Variants in PTCH2 observed in about 807,000 individuals in gnomAD.
PTCH2 encodes the protein protein patched homolog 2.
A neutral mutation model predicts 117.9 loss-of-function variants in PTCH2; 96 were observed. The observed-to-expected ratio is 0.81, with a 90% CI of 0.69 to 0.96. The LOEUF (loss-of-function observed/expected upper bound fraction) is 0.96. Among genes scored for constraint, PTCH2 ranks in the 50% least tolerant of loss-of-function variants. PTCH2 has a pLI of 0.00. For missense variants in PTCH2, 1,379 were observed against 1,562.5 expected, an observed-to-expected ratio of 0.88 and a Z score of 1.98; for synonymous variants, 615 against 660.9, an observed-to-expected ratio of 0.93 and a Z score of 1.06.
chr1:44,841,862 G>C lies in PTCH2; in HGVS notation c.250C>G (p.Gln84Glu), dbSNP rs755258246. Reference protein sequence around the residue: ...RMAIIETNLEQLWVEVGSRVS... With the variant: ...RMAIIETNLEELWVEVGSRVS... ...CACAACTTACCTTCTACCCAGAGCT[G>C]TTCCAAGTTTGTCTCAATAATGGCC... The change falls in exon 2 of 22, where the codon CAG (glutamine) becomes GAG (glutamate). Residue 84 changes from glutamine to glutamate, a missense_variant. By Grantham distance (29) the Gln-to-Glu change is conservative (BLOSUM62 2). Transcript: ENST00000372192. 3 of 1,614,084 alleles carry C rather than the reference G, an allele frequency of 1.9e-6. No individual in the cohort carries two copies. The highest frequency in any genetic ancestry group is 2.5e-6 in the Non-Finnish European group (3 of 1,180,044).
chr1:44,833,972 C>T (rs12095412), intron 2 of PTCH2, among the ~76,000 whole-genome samples: 31,860 of 151,730 alleles, frequency 0.21, 3,724 homozygotes, highest in African/African-American at 0.32. Context: ...GTAATCTTCT[C>T]ACTCACAAAA....
In PTCH2 at chr1:44,828,048, G is replaced by A. The variant is rs370289347; in HGVS notation, c.1853C>T (p.Pro618Leu). The A allele has an allele frequency of 1.1e-5, 17 of 1,614,158 alleles. No homozygotes were observed. In the African/African-American group the frequency reaches 2.3e-4, roughly 22 times the overall value. Residue 618 changes from proline to leucine, a missense_variant, in exon 14 of 22, where the codon CCT becomes CTT. By Grantham distance (98) the Pro-to-Leu change is moderately conservative (BLOSUM62 -3). Transcript: ENST00000372192. ...TGGGGGCACCAGGTGGGCTTGGGGA[G>A]GCAGGATGGTGACCACATGCTGGCT... is the stretch of plus-strand genomic sequence containing the variant. ...ASSQHVVTIL[P>L]PQAHLVPPPS...
At position 44,829,239 on chromosome 1, in the gene PTCH2, A is replaced by G. The variant is rs1398017675; in HGVS notation, c.1289T>C (p.Val430Ala). ...QSQGSVGLAGVLLVALAVASG... is the reference protein window; with the variant it reads ...QSQGSVGLAGALLVALAVASG... ...GGCCACCGCCAGGGCCACCAGCAGT[A>G]CCCCGGCAAGGCCCACGGAACCCTG... Residue 430 changes from valine to alanine, a missense_variant, in exon 10 of 22, where the codon GTA becomes GCA. Physicochemically the swap from Val to Ala is moderately conservative, Grantham distance 64 (BLOSUM62 0). Coordinates refer to ENST00000372192, the MANE Select transcript of PTCH2 (RefSeq NM_003738.5). 1 of 1,613,366 alleles carries G rather than the reference A, an allele frequency of 6.2e-7. No homozygotes were observed. Among genetic ancestry groups the G allele is most frequent in the Non-Finnish European group, 8.5e-7 (1 of 1,180,022 alleles).
rs1446850689 is a variant in PTCH2 at position 44,842,956 on chromosome 1, G to A, written c.-24C>T. On this transcript the variant is annotated 5_prime_UTR_variant, in exon 1 of 22. Coordinates refer to ENST00000372192, the MANE Select transcript of PTCH2 (RefSeq NM_003738.5). Reference sequence around the variant, plus strand: ...ATGCTGGCGGGGATGGGGGGCGCGGGCGCCCCCAACCCGCGTTATCTGGGC... The same window carrying A: ...ATGCTGGCGGGGATGGGGGGCGCGGACGCCCCCAACCCGCGTTATCTGGGC... 1 of 1,528,012 alleles carries A rather than the reference G, an allele frequency of 6.5e-7. No homozygotes were observed. The highest frequency in any genetic ancestry group is 2.1e-5 in the Admixed American group (1 of 46,924). 94.7% of individuals were successfully genotyped at this position (1,528,012 alleles called of 1,614,324 possible).
chr1:44,834,150 G>A (rs1170013378), intron 2 of PTCH2, among the ~76,000 whole-genome samples: 17 of 138,642 alleles, frequency 1.2e-4, no homozygotes, highest in African/African-American at 3.0e-4. Context: ...ACTGAGTTTC[G>A]CTCTTATTGC....
rs543601562 is a variant in PTCH2 at position 44,823,249 on chromosome 1, A to G, written c.3251T>C (p.Ile1084Thr). The G allele has an allele frequency of 1.2e-6, 2 of 1,614,208 alleles. No homozygotes were observed. Among genetic ancestry groups the G allele is most frequent in the African/African-American group, 2.7e-5 (2 of 75,054 alleles). ...LMLAGSHFDF[I>T]VRYFFAALTV... The stretch of plus-strand genomic sequence containing the variant: ...TGCCCCGAGCCCTCCCTACCTTACA[A>G]TGAAGTCAAAGTGGGAACCAGCAAG... Residue 1084 changes from isoleucine (I) to threonine (T), a missense_variant, in exon 20 of 22, where the codon ATT becomes ACT. Physicochemically the swap from Ile to Thr is moderately conservative, Grantham distance 89 (BLOSUM62 -1). Transcript: ENST00000372192. This position sits in a 1 kb window ranked among gnomAD's most constrained non-coding sequence, Gnocchi z 5.1.
At position 44,827,489 on chromosome 1, in the gene PTCH2, G is replaced by A. The variant is rs760143231; in HGVS notation, c.2284C>T (p.Arg762Cys). Residue 762 changes from arginine to cysteine, a missense_variant, in exon 15 of 22, where the codon CGC becomes TGC. Transcript: ENST00000372192. ...SQRALFDLHQRFSSLKAVLPP... is the reference protein window; with the variant it reads ...SQRALFDLHQCFSSLKAVLPP... ...AGCACCGCCTTGAGGGAACTGAAGC[G>A]CTGGTGCAGATCAAAGAGGGCGCGT... The A allele has an allele frequency of 5.0e-6, 8 of 1,613,880 alleles. No individual in the cohort carries two copies. Among genetic ancestry groups the A allele is most frequent in the African/African-American group, 2.7e-5 (2 of 74,926 alleles).
Position 44,822,621 on chromosome 1 carries a change from G to A in PTCH2, c.3406C>T (p.Pro1136Ser), listed in dbSNP as rs759109850. The A allele has an allele frequency of 3.1e-6, 5 of 1,613,908 alleles. No individual in the cohort carries two copies. Among genetic ancestry groups the A allele is most frequent in the Non-Finnish European group, 4.2e-6 (5 of 1,179,962 alleles). The change falls in exon 22 of 22, where the codon CCA (proline) becomes TCA (serine). Residue 1136 changes from proline (P) to serine (S), a missense_variant. Coordinates refer to ENST00000372192, the MANE Select transcript of PTCH2 (RefSeq NM_003738.5). ...CCCCACCTAAGCCCGCCTCCCTGTG[G>A]AGCTGGTGGACTCAGGATCTCTGGG... ...ESPEILSPPA[P>S]QGGGLRWGAS...
downstream of PTCH2, chr1:44,819,867 T>A (rs368781041): frequency 1.3e-5 from 2 of 153,040 alleles, no homozygotes; most frequent in African/African-American, 4.8e-5. Context: ...GCCTAACTTT[T>A]AATACTTAAA....
intron 2 of PTCH2, among the ~76,000 whole-genome samples, chr1:44,834,374 C>T (rs34436945): frequency 0.22 from 32,768 of 151,982 alleles, 3,779 homozygotes; most frequent in East Asian, 0.28. Context: ...CTGCCAGCCT[C>T]GGCCTCACAA....
Position 44,826,912 on chromosome 1 carries a change from C to G in PTCH2, c.2685G>C (p.Glu895Asp). The G allele has an allele frequency of 6.2e-7, 1 of 1,614,026 alleles. No individual in the cohort carries two copies. The highest frequency in any genetic ancestry group is 1.1e-5 in the South Asian group (1 of 91,092). The part of the protein sequence containing the change: ...WLHDKYDTTG[E>D]NLRIPPAQPL... ...CCCCCCAAGACTCACTGCGAAGGTT[C>G]TCCCCCGTGGTGTCGTATTTGTCGT... The change falls in exon 17 of 22, where the codon GAG (glutamate) becomes GAC (aspartate). Residue 895 changes from glutamate to aspartate, a missense_variant. By Grantham distance (45) the Glu-to-Asp change is conservative. Coordinates refer to ENST00000372192, the MANE Select transcript of PTCH2 (RefSeq NM_003738.5). This position sits in a 1 kb window ranked among gnomAD's most constrained non-coding sequence, Gnocchi z 5.1.
Position 44,830,953 on chromosome 1 carries a change from C to G in PTCH2, c.708G>C (p.Glu236Asp). The change falls in exon 6 of 22, where the codon GAG becomes GAC. Residue 236 changes from glutamate (E) to aspartate (D), a missense_variant. Transcript: ENST00000372192. ...GGCCCACCTGTGCCTTGTCTAGCAG[C>G]TCCCGGAAGCCCTCAAGGGAGGCAA... The part of the protein sequence containing the change: ...GPFASLEGFR[E>D]LLDKAQVGQA... 2 of 1,609,634 alleles carry G rather than the reference C, an allele frequency of 1.2e-6. No individual in the cohort carries two copies. The highest frequency in any genetic ancestry group is 1.7e-6 in the Non-Finnish European group (2 of 1,176,802).
At chr1:44,822,750 T>C in intron 21 of PTCH2, 81 bp from the exon 22 acceptor site, 3 of 1,448,582 alleles carry the variant, frequency 2.1e-6, no homozygotes, top group Non-Finnish European at 2.9e-6. Flanking sequence ...GGGATTACCA[T>C]GACTGTTGGG....
Position 44,826,548 on chromosome 1 carries a change from C to T in PTCH2, c.2916G>A (p.Leu972=). 1 of 1,613,700 alleles carries T rather than the reference C, an allele frequency of 6.2e-7. No homozygotes were observed. Among genetic ancestry groups the T allele is most frequent in the Non-Finnish European group, 8.5e-7 (1 of 1,180,024 alleles). ...RCFLLAVCIL[L]VCTFLVCALL... ...GAGCACAGACGAGGAAAGTGCACAC[C>T]AGCAGGATGCAGACGGCCAGCAGGA... The change falls in exon 18 of 22, where the codon CTG becomes CTA. Residue 972 remains leucine, a synonymous_variant. Coordinates refer to ENST00000372192, the MANE Select transcript of PTCH2 (RefSeq NM_003738.5). The surrounding 1 kb of genome is among the most constrained non-coding windows in gnomAD (Gnocchi z 5.1).
In PTCH2 at chr1:44,841,711, G is replaced by C. The variant is rs1653954421; in HGVS notation, c.265+136C>G. 3.5e-6 allele frequency: 3 copies of C among 869,554 alleles called. No individual in the cohort carries two copies. The South Asian group carries it at 4.2e-5, about 12-fold the overall frequency. The allele number at this position is 869,554 out of a possible 1,614,324, so 53.9% of individuals were successfully genotyped here. ...AGGGAACGGTGTTCCTAGATGCCCA[G>C]GTGTAGGACTCTGGCCAGCAGGTGA... On this transcript the variant is annotated intron_variant, in intron 2 of 21. Transcript: ENST00000372192.
Position 44,828,648 on chromosome 1 carries a change from G to T in PTCH2, c.1465-17C>A. ...CATGCGCTCCTGCCAGGACAGAGTGGGGACCTGCCCTCAGGTCACAAGGGA... is the reference window on the plus strand; with the variant it reads ...CATGCGCTCCTGCCAGGACAGAGTGTGGACCTGCCCTCAGGTCACAAGGGA... On this transcript the variant is annotated splice_polypyrimidine_tract_variant and intron_variant, in intron 11 of 21. Transcript: ENST00000372192. The T allele has an allele frequency of 6.2e-7, 1 of 1,609,364 alleles. No individual in the cohort carries two copies. The highest frequency in any genetic ancestry group is 2.2e-5 in the East Asian group (1 of 44,666).
At chr1:44,830,697 T>G in intron 6 of PTCH2, 151 bp downstream of exon 6, 2 of 676,328 alleles carry the variant, frequency 3.0e-6, no homozygotes, top group Non-Finnish European at 2.2e-6. Flanking sequence ...GAATGGAACA[T>G]TGGGGGCCTG....
At chr1:44,837,983 G>C (rs997163954) in intron 2 of PTCH2, among the ~76,000 whole-genome samples, 3 of 151,762 alleles carry the variant, frequency 2.0e-5, no homozygotes, top group Non-Finnish European at 4.4e-5. Flanking sequence ...TCAGAAGGCT[G>C]AGGCAGGAGA....
rs1449014841 is a variant in PTCH2, at chr1:44,828,549, G to A, written c.1547C>T (p.Ala516Val). The change falls in exon 12 of 22, where the codon GCT (alanine) becomes GTT (valine). Residue 516 changes from alanine (A) to valine (V), a missense_variant. Coordinates refer to ENST00000372192, the MANE Select transcript of PTCH2 (RefSeq NM_003738.5). ...SINNMAAFLM[A>V]ALVPIPALRA... ...CAGCGCAGGGATGGGAACGAGGGCA[G>A]CCATGAGGAAGGCGGCCATGTTGTT... 3 of 1,614,128 alleles carry A rather than the reference G, an allele frequency of 1.9e-6. No individual in the cohort carries two copies. Among genetic ancestry groups the A allele is most frequent in the South Asian group, 2.2e-5 (2 of 91,078 alleles).
Sources: gnomAD v4.1 joint callset for allele counts (sites outside exome capture counted in the v4.1 genomes callset) on GRCh38, gnomAD v4.1.1 for gene constraint, Gnocchi (gnomAD v3.1) non-coding constraint, MANE v1.5 for transcripts, NCBI Gene and HGNC (gene_info 2026-07-23, HGNC 2026-07-21) for gene names.